STK24: variants seen among roughly 807,000 people sequenced by gnomAD.
STK24 encodes serine/threonine-protein kinase 24.
In STK24, 21 loss-of-function variants were observed where a neutral mutation model predicts 55.6. That is an observed-to-expected ratio of 0.38 (90% CI 0.27 to 0.54). The LOEUF (loss-of-function observed/expected upper bound fraction) is 0.54. STK24 is among the 20% of genes least tolerant of loss of function. The probability of loss-of-function intolerance (pLI) is 0.79; values close to 1 mark genes in which losing one functional copy is unlikely to be tolerated. For synonymous variants in STK24, 200 were observed against 215.2 expected (o/e 0.93, Z 0.62); for missense variants, 383 against 538.4 (o/e 0.71, Z 2.86).
At chr13:98,529,705 G>A (rs1328913028) in intron 1 of STK24, among the ~76,000 whole-genome samples, 1 of 152,040 alleles carries the variant, frequency 6.6e-6, no homozygotes, top group African/African-American at 2.4e-5. Flanking sequence ...CACCAAACAG[G>A]GGGGTCCAGA....
Position 98,559,002 on chromosome 13 carries a change from TAAAAAAAAAAAAA to T in STK24, c.42+17730_42+17742del, listed in dbSNP as rs60756124. Among the ~76,000 whole-genome samples, 49 of 43,034 alleles carry T rather than the reference TAAAAAAAAAAAAA, an allele frequency of 1.1e-3. 1 individual carries two copies. The highest frequency in any genetic ancestry group is 3.9e-3 in the African/African-American group (38 of 9,820). 28.2% of individuals were successfully genotyped at this position (43,034 alleles called of 152,430 possible). Reference sequence around the variant, plus strand: ...CAACGTGGAGAAACCCTGTCTCTACTAAAAAAAAAAAAAAAAAAAAAAAAAAAAAATACAAAAT... The same window carrying T: ...CAACGTGGAGAAACCCTGTCTCTACTAAAAAAAAAAAAAAAAATACAAAAT... On this transcript the variant is annotated intron_variant, in intron 1 of 10. Coordinates refer to ENST00000539966, the MANE Select transcript of STK24 (RefSeq NM_001032296.4).
chr13:98,462,200 G>C (rs1370453636), intron 7 of STK24, among the ~76,000 whole-genome samples: 1 of 152,046 alleles, frequency 6.6e-6, no homozygotes, highest in African/African-American at 2.4e-5. Flanking sequence ...CCCATCTCTG[G>C]GACATCAGCT....
chr13:98,555,501 C>A (rs1278907516), intron 1 of STK24, among the ~76,000 whole-genome samples: 2 of 151,620 alleles, frequency 1.3e-5, no homozygotes, highest in Non-Finnish European at 2.9e-5. Flanking sequence ...ACGGCATGAA[C>A]CCGGGAGGCG....
intron 1 of STK24, among the ~76,000 whole-genome samples, chr13:98,552,587 A>T (rs535949524): frequency 6.6e-6 from 1 of 152,260 alleles, no homozygotes; most frequent in East Asian, 1.9e-4. Flanking sequence ...CAGAGCACCA[A>T]AAAGAGCTAT....
chr13:98,532,333 A>G (rs570227882), intron 1 of STK24, among the ~76,000 whole-genome samples: 1 of 151,870 alleles, frequency 6.6e-6, no homozygotes, highest in Non-Finnish European at 1.5e-5. Context: ...GGAGAGGGCA[A>G]CCCCTCCCCA....
At chr13:98,542,391 A>G (rs1896913796) in intron 1 of STK24, among the ~76,000 whole-genome samples, 1 of 152,088 alleles carries the variant, frequency 6.6e-6, no homozygotes, top group African/African-American at 2.4e-5. Context: ...AACAACAACA[A>G]CAACAACAAA....
intron 7 of STK24, among the ~76,000 whole-genome samples, chr13:98,463,371 GA>G (rs1401788231): frequency 6.6e-6 from 1 of 152,176 alleles, no homozygotes. Flanking sequence ...AGTTTCACCT[GA>G]TCAGGGTTTT....
At chr13:98,476,685 G>A (rs1463641966) in intron 3 of STK24, among the ~76,000 whole-genome samples, 2 of 152,308 alleles carry the variant, frequency 1.3e-5, no homozygotes, top group African/African-American at 2.4e-5. Flanking sequence ...GGGGGCAACC[G>A]AGACAGCCCT....
chr13:98,463,867 G>A (rs748705608), intron 6 of STK24, 31 bp from the exon 7 acceptor site: 1 of 1,607,812 alleles, frequency 6.2e-7, no homozygotes, highest in South Asian at 1.1e-5. Context: ...ATTAAAGTAT[G>A]AGATGAAGTT....
chr13:98,515,443 C>T (rs1335223915), intron 2 of STK24, among the ~76,000 whole-genome samples: 1 of 151,880 alleles, frequency 6.6e-6, no homozygotes, highest in Admixed American at 6.6e-5. Flanking sequence ...ACTGAAACTA[C>T]AACGGGTGAA....
At chr13:98,455,020 A>C (rs924210754) in intron 10 of STK24, 11 of 152,256 alleles carry the variant, frequency 7.2e-5, no homozygotes, top group African/African-American at 2.7e-4. Flanking sequence ...CACGATGCCC[A>C]GTGAGCACGT....
chr13:98,465,766 G>C (rs1173282694), intron 6 of STK24, among the ~76,000 whole-genome samples: 1 of 152,140 alleles, frequency 6.6e-6, no homozygotes, highest in African/African-American at 2.4e-5. Context: ...AAGGACATAT[G>C]GTGCTACCTC....
At chr13:98,549,712 G>A (rs1160410233) in intron 1 of STK24, among the ~76,000 whole-genome samples, 4 of 152,156 alleles carry the variant, frequency 2.6e-5, no homozygotes, top group African/African-American at 7.2e-5. Flanking sequence ...TGTACAGCCT[G>A]CAGAACCATA....
At chr13:98,485,814 C>T (rs1209338745) in intron 2 of STK24, among the ~76,000 whole-genome samples, 1 of 152,226 alleles carries the variant, frequency 6.6e-6, no homozygotes, top group Non-Finnish European at 1.5e-5. Flanking sequence ...AAGGTCGGCC[C>T]GGGGGACCGG....
intron 1 of STK24, among the ~76,000 whole-genome samples, chr13:98,571,767 A>C (rs1414903827): frequency 6.6e-6 from 1 of 152,200 alleles, no homozygotes; most frequent in African/African-American, 2.4e-5. Flanking sequence ...GAGATACTAT[A>C]AAATGTTCAC....
chr13:98,511,822 A>G (rs1594626373), intron 2 of STK24, among the ~76,000 whole-genome samples: 2 of 152,042 alleles, frequency 1.3e-5, no homozygotes, highest in African/African-American at 4.8e-5. Flanking sequence ...TTCTGGTCCC[A>G]TGTGTGGTGG....
intron 1 of STK24, among the ~76,000 whole-genome samples, chr13:98,576,450 G>A (rs1446287689): frequency 6.6e-6 from 1 of 152,098 alleles, no homozygotes; most frequent in Non-Finnish European, 1.5e-5. Flanking sequence ...CTGCAGCTCC[G>A]GAAGAGTGTT....
At chr13:98,567,299 C>T (rs1441257010) in intron 1 of STK24, among the ~76,000 whole-genome samples, 7 of 152,144 alleles carry the variant, frequency 4.6e-5, no homozygotes, top group African/African-American at 1.7e-4. Flanking sequence ...ACGGGCTATT[C>T]GGCATCTGTG....
At chr13:98,520,262 G>T (rs894167916) in intron 1 of STK24, among the ~76,000 whole-genome samples, 2 of 152,160 alleles carry the variant, frequency 1.3e-5, no homozygotes, top group Non-Finnish European at 2.9e-5. Context: ...AAGCAATCCC[G>T]ATGTTTAGCA....
Sources: allele counts gnomAD v4.1 joint callset (sites outside exome capture counted in the v4.1 genomes callset), GRCh38; gene constraint gnomAD v4.1.1; transcripts MANE v1.5; gene names NCBI Gene and HGNC (gene_info 2026-07-23, HGNC 2026-07-21).